NFKBIB: variants seen among roughly 807,000 people sequenced by gnomAD.
NFKBIB encodes NF-kappa-B inhibitor beta.
NFKBIB carries 16 observed loss-of-function variants against 32.1 expected under a neutral mutation model. The ratio of observed to expected loss-of-function variants is 0.50; its 90% CI spans 0.34 to 0.76. The LOEUF is 0.76. Ranked by LOEUF, NFKBIB falls within the 30% of genes least tolerant of loss-of-function variation. The probability of loss-of-function intolerance (pLI) is 0.01; values close to 1 mark genes in which losing one functional copy is unlikely to be tolerated. For synonymous variants in NFKBIB, 222 were observed against 219.5 expected, an observed-to-expected ratio of 1.01 and a Z score of -0.10; for missense variants, 437 against 514.9, an observed-to-expected ratio of 0.85 and a Z score of 1.46.
chr19:38,904,039 C>T (rs777797242), intron 1 of NFKBIB, among the ~76,000 whole-genome samples: 3 of 151,874 alleles, frequency 2.0e-5, no homozygotes, highest in Admixed American at 6.6e-5. Flanking sequence ...CACTGCGCTC[C>T]AGCCTGGGCG....
At chr19:38,901,950 A>T (rs1463051573) in intron 1 of NFKBIB, among the ~76,000 whole-genome samples, 4 of 151,954 alleles carry the variant, frequency 2.6e-5, no homozygotes, top group African/African-American at 7.3e-5. Flanking sequence ...GTGTAAATTT[A>T]TCCCATGTCT....
At chr19:38,906,131 C>CTTT (rs11300670) in intron 3 of NFKBIB, among the ~76,000 whole-genome samples, 83 of 97,360 alleles carry the variant, frequency 8.5e-4, no homozygotes, top group East Asian at 1.3e-3. Flanking sequence ...TACTTGGTAC[C>CTTT]TTTTTTTTTT....
At position 38,900,134 on chromosome 19, in the gene NFKBIB, T is replaced by G; in HGVS notation, c.102T>G (p.Pro34=). 1 of 1,594,160 alleles carries G rather than the reference T, an allele frequency of 6.3e-7. No homozygotes were observed. The highest frequency in any genetic ancestry group is 8.5e-7 in the Non-Finnish European group (1 of 1,173,332). ...LGPDAAAPGG[P]GLGAELGPGL... The stretch of plus-strand genomic sequence containing the variant: ...CGGACGCAGCGGCCCCCGGAGGACC[T>G]GGGTTGGGCGCGGAGTTGGGCCCGG... The change falls in exon 1 of 6, where the codon CCT becomes CCG. Residue 34 remains proline (P), a synonymous_variant. Transcript: ENST00000313582.
intron 5 of NFKBIB, 51 bp downstream of exon 5, chr19:38,907,710 C>G: frequency 6.6e-7 from 1 of 1,517,402 alleles, no homozygotes; most frequent in South Asian, 1.2e-5. Context: ...CAGGATAGAC[C>G]GGCAGGCAAG....
intron 5 of NFKBIB, chr19:38,908,210 C>T (rs895748542): frequency 3.8e-5 from 38 of 992,344 alleles, no homozygotes; most frequent in South Asian, 4.6e-5. Flanking sequence ...TCTGGAGTGG[C>T]GGCTGGCTAG....
rs761919016 is a variant in NFKBIB, at chr19:38,900,121, C to A, written c.89C>A (p.Ala30Asp). 1 of 1,581,826 alleles carries A rather than the reference C, an allele frequency of 6.3e-7. No homozygotes were observed. Among genetic ancestry groups the A allele is most frequent in the Non-Finnish European group, 8.6e-7 (1 of 1,168,572 alleles). Residue 30 changes from alanine (A) to aspartate (D), a missense_variant, in exon 1 of 6, where the codon GCC (alanine) becomes GAC (aspartate). Physicochemically the swap from Ala to Asp is moderately radical, Grantham distance 126. Coordinates refer to ENST00000313582, the MANE Select transcript of NFKBIB (RefSeq NM_002503.5). ...GGCTCCCTGGGTCCGGACGCAGCGGCCCCCGGAGGACCTGGGTTGGGCGCG... is the reference window on the plus strand; with the variant it reads ...GGCTCCCTGGGTCCGGACGCAGCGGACCCCGGAGGACCTGGGTTGGGCGCG... The part of the protein sequence containing the change: ...GLGSLGPDAA[A>D]PGGPGLGAEL...
rs201794306 is a variant in NFKBIB at position 38,905,460 on chromosome 19, G to T, written c.544G>T (p.Asp182Tyr). ...TNHTPVALYP[D>Y]SDLEKEEEES... ...CCATACCCCTGTCGCCTTGTACCCC[G>T]ATTCCGACTTGGAGAAGGAAGAAGA... The change falls in exon 3 of 6, where the codon GAT becomes TAT. Residue 182 changes from aspartate to tyrosine, a missense_variant. Coordinates refer to ENST00000313582, the MANE Select transcript of NFKBIB (RefSeq NM_002503.5). This position sits in a 1 kb window ranked among gnomAD's most constrained non-coding sequence, Gnocchi z 5.5. The T allele has an allele frequency of 6.2e-7, 1 of 1,613,964 alleles. No homozygotes were observed. Among genetic ancestry groups the T allele is most frequent in the Admixed American group, 1.7e-5 (1 of 59,982 alleles).
At position 38,908,364 on chromosome 19, in the gene NFKBIB, C is replaced by G. The variant is rs1201319873; in HGVS notation, c.970-367C>G. 4 of 818,252 alleles carry G rather than the reference C, an allele frequency of 4.9e-6. No individual in the cohort carries two copies. In the African/African-American group the frequency reaches 7.4e-5, roughly 15 times the overall value. The allele number at this position is 818,252 out of a possible 1,614,324, so 50.7% of individuals were successfully genotyped here. On this transcript the variant is annotated intron_variant, in intron 5 of 5. Coordinates refer to ENST00000313582, the MANE Select transcript of NFKBIB (RefSeq NM_002503.5). ...GACCAGCCTGGCCAACATGGCAAGA[C>G]CCTGTCTCTACTAAAAATACAAAAA...
intron 5 of NFKBIB, 50 bp downstream of exon 5, chr19:38,907,709 C>T (rs1568416882): frequency 6.6e-7 from 1 of 1,519,996 alleles, no homozygotes; most frequent in Non-Finnish European, 8.9e-7. Context: ...TCAGGATAGA[C>T]CGGCAGGCAA....
rs200640455 is a variant in NFKBIB, at chr19:38,907,570, C to T, written c.880C>T (p.Arg294Cys). Residue 294 changes from arginine to cysteine, a missense_variant, in exon 5 of 6, where the codon CGT becomes TGT. Transcript: ENST00000313582. ...RPNPILARLL[R>C]AHGAPEPEGE... is the part of the protein sequence containing the mutation. ...CAACCCCATCCTCGCCCGCCTCCTC[C>T]GTGCACACGGAGCCCCTGAGCCCGA... The T allele has an allele frequency of 1.1e-4, 173 of 1,612,552 alleles. 1 individual carries two copies. In the East Asian group the frequency reaches 2.9e-3, roughly 27 times the overall value.
chr19:38,904,173 T>TC (rs1568413765), intron 1 of NFKBIB, among the ~76,000 whole-genome samples: 3 of 152,172 alleles, frequency 2.0e-5, no homozygotes, highest in Admixed American at 2.0e-4. Flanking sequence ...TTTGAGTCTT[T>TC]CCAGTTTTGC....
At position 38,905,477 on chromosome 19, in the gene NFKBIB, GGAA is replaced by G. The variant is rs1974091004; in HGVS notation, c.567_569del (p.Glu191del). On this transcript the variant is annotated inframe_deletion, in exon 3 of 6. Coordinates refer to ENST00000313582, the MANE Select transcript of NFKBIB (RefSeq NM_002503.5). This position sits in a 1 kb window ranked among gnomAD's most constrained non-coding sequence, Gnocchi z 5.5. ...TGTACCCCGATTCCGACTTGGAGAA[GGAA>G]GAAGAGGAGAGTGAGGAGGACTGGA... is the stretch of plus-strand genomic sequence containing the variant. 6.2e-7 allele frequency: 1 copy of G among 1,613,742 alleles called. No homozygotes were observed. The highest frequency in any genetic ancestry group is 8.5e-7 in the Non-Finnish European group (1 of 1,179,888).
rs575017190 is a variant in NFKBIB at position 38,905,765 on chromosome 19, C to T, written c.619+230C>T. 2.6e-5 allele frequency among the ~76,000 whole-genome samples: 4 copies of T among 152,190 alleles called. No homozygotes were observed. The South Asian group carries it at 8.3e-4, about 32-fold the overall frequency. ...GCCCCAGGTCACTTGGGATGCAGAC[C>T]TGTCACCCACAGACCCAGAGCTGCC... On this transcript the variant is annotated intron_variant, in intron 3 of 5. Transcript: ENST00000313582. The surrounding 1 kb of genome is among the most constrained non-coding windows in gnomAD (Gnocchi z 5.5).
At position 38,907,894 on chromosome 19, in the gene NFKBIB, G is replaced by A. The variant is rs948133604; in HGVS notation, c.969+235G>A. The A allele has an allele frequency of 3.4e-5, 46 of 1,371,606 alleles. No homozygotes were observed. The African/African-American group carries it at 5.5e-4, about 17-fold the overall frequency. 85.0% of individuals were successfully genotyped at this position (1,371,606 alleles called of 1,614,324 possible). On this transcript the variant is annotated intron_variant, in intron 5 of 5. Coordinates refer to ENST00000313582, the MANE Select transcript of NFKBIB (RefSeq NM_002503.5). Reference sequence around the variant, plus strand: ...TGGCAAAGGTAGAACTCAGGCAGGGGTGGAGAAAAGGCGTTGGTCGCAGTG... The same window carrying A: ...TGGCAAAGGTAGAACTCAGGCAGGGATGGAGAAAAGGCGTTGGTCGCAGTG...
In NFKBIB at chr19:38,907,540, C is replaced by T. The variant is rs753678677; in HGVS notation, c.850C>T (p.Arg284Trp). Residue 284 changes from arginine (R) to tryptophan (W), a missense_variant, in exon 5 of 6, where the codon CGG becomes TGG. Transcript: ENST00000313582. ...CACCCCACTCGGCAGTGCCATGCTCCGGCCCAACCCCATCCTCGCCCGCCT... is the reference window on the plus strand; with the variant it reads ...CACCCCACTCGGCAGTGCCATGCTCTGGCCCAACCCCATCCTCGCCCGCCT... ...GRTPLGSAMLRPNPILARLLR... is the reference protein window; with the variant it reads ...GRTPLGSAMLWPNPILARLLR... 1.5e-5 allele frequency: 24 copies of T among 1,612,450 alleles called. No individual in the cohort carries two copies. Among genetic ancestry groups the T allele is most frequent in the Non-Finnish European group, 1.9e-5 (22 of 1,179,726 alleles).
chr19:38,906,947 C>T (rs1974143663), intron 3 of NFKBIB, among the ~76,000 whole-genome samples: 2 of 152,112 alleles, frequency 1.3e-5, no homozygotes, highest in South Asian at 4.1e-4. Context: ...CTCCTCCTGG[C>T]CCCAAAATCC....
intron 1 of NFKBIB, among the ~76,000 whole-genome samples, chr19:38,900,868 T>C (rs1973932543): frequency 6.6e-6 from 1 of 152,110 alleles, no homozygotes; most frequent in Admixed American, 6.6e-5. Flanking sequence ...TTGTGGAGCA[T>C]ACATTTTAGT....
intron 3 of NFKBIB, among the ~76,000 whole-genome samples, chr19:38,906,131 CTTTTTTTTTTTTTT>C (rs11300670): frequency 3.1e-4 from 30 of 97,350 alleles, no homozygotes; most frequent in Non-Finnish European, 4.6e-4. Context: ...TACTTGGTAC[CTTTTTTTTTTTTTT>C]TTTTTTTTTT....
At position 38,907,819 on chromosome 19, in the gene NFKBIB, CA is replaced by C. The variant is rs970506935; in HGVS notation, c.969+161del. 24 of 1,431,044 alleles carry C rather than the reference CA, an allele frequency of 1.7e-5. No homozygotes were observed. In the African/African-American group the frequency reaches 2.3e-4, roughly 14 times the overall value. The allele number at this position is 1,431,044 out of a possible 1,614,324, so 88.6% of individuals were successfully genotyped here. A position where few individuals can be genotyped will look rare whatever the true frequency, so the allele number is the denominator to read the frequency against. ...GGGCACTAGTCAGGAGAGACCTGGA[CA>C]GGGGTGGTGGGAAGAGCTTGGGCAG... On this transcript the variant is annotated intron_variant, in intron 5 of 5. Transcript: ENST00000313582.
Sources: gnomAD v4.1 joint callset for allele counts (sites outside exome capture counted in the v4.1 genomes callset) on GRCh38, gnomAD v4.1.1 for gene constraint, Gnocchi (gnomAD v3.1) non-coding constraint, MANE v1.5 for transcripts, NCBI Gene and HGNC (gene_info 2026-07-23, HGNC 2026-07-21) for gene names.